Variants in CNTNAP2 observed in about 807,000 individuals in gnomAD.
CNTNAP2 encodes the protein contactin-associated protein-like 2.
In CNTNAP2, 98 loss-of-function variants were observed where a neutral mutation model predicts 155.2. That is an observed-to-expected ratio of 0.63 (90% CI 0.54 to 0.75). The LOEUF is 0.75. CNTNAP2 is among the 30% of genes least tolerant of loss of function. The pLI, the probability that CNTNAP2 is intolerant of heterozygous loss-of-function variation, is 0.00. For synonymous variants in CNTNAP2, 651 were observed against 631.2 expected (o/e 1.03, Z -0.47); for missense variants, 1,727 against 1,688.1 (o/e 1.02, Z -0.40).
At chr7:146,452,581 C>T (rs1366935013) in intron 1 of CNTNAP2, among the ~76,000 whole-genome samples, 1 of 152,174 alleles carries the variant, frequency 6.6e-6, no homozygotes, top group African/African-American at 2.4e-5. Flanking sequence ...TATAAGACAT[C>T]TTTTGTTATC....
At chr7:148,203,234 T>C (rs967755966) in intron 18 of CNTNAP2, among the ~76,000 whole-genome samples, 6 of 152,202 alleles carry the variant, frequency 3.9e-5, no homozygotes, top group Admixed American at 2.6e-4. Context: ...CAAATTGGTC[T>C]GTGATACCAT....
At chr7:146,605,385 ACTC>A (rs1799029854) in intron 1 of CNTNAP2, among the ~76,000 whole-genome samples, 1 of 151,218 alleles carries the variant, frequency 6.6e-6, no homozygotes, top group African/African-American at 2.4e-5. Flanking sequence ...ATCAAACATA[ACTC>A]TTACTCTGGA....
chr7:147,628,868 T>TAAAAAA (rs60644349), intron 12 of CNTNAP2, among the ~76,000 whole-genome samples: 1 of 117,192 alleles, frequency 8.5e-6, no homozygotes, highest in Non-Finnish European at 1.8e-5. Context: ...CAACAGCAGT[T>TAAAAAA]AAAAAAAAAA....
intron 1 of CNTNAP2, among the ~76,000 whole-genome samples, chr7:146,184,702 A>G (rs1468296415): frequency 4.6e-5 from 7 of 152,148 alleles, no homozygotes; most frequent in Admixed American, 3.9e-4. Context: ...ATATTTTACA[A>G]AGGAAATGCG....
At chr7:146,809,516 C>T (rs1230045283) in intron 2 of CNTNAP2, among the ~76,000 whole-genome samples, 1 of 151,956 alleles carries the variant, frequency 6.6e-6, no homozygotes, top group Non-Finnish European at 1.5e-5. Flanking sequence ...CACCCACCAC[C>T]ACATCTGGCT....
chr7:146,351,463 T>C (rs911432657), intron 1 of CNTNAP2, among the ~76,000 whole-genome samples: 5 of 152,186 alleles, frequency 3.3e-5, no homozygotes, highest in Non-Finnish European at 7.4e-5. Context: ...AAATGCTTCA[T>C]GTTGTATTTA....
intron 15 of CNTNAP2, among the ~76,000 whole-genome samples, chr7:148,027,981 C>A (rs188400148): frequency 3.3e-5 from 5 of 152,236 alleles, no homozygotes; most frequent in Admixed American, 2.0e-4. Context: ...TAGATGATAT[C>A]AAATCGAGGC....
chr7:148,006,447 G>A (rs1456556331), intron 15 of CNTNAP2, among the ~76,000 whole-genome samples: 3 of 151,208 alleles, frequency 2.0e-5, no homozygotes, highest in African/African-American at 7.3e-5. Context: ...AGCCTCCTGA[G>A]TAGTTGGGAT....
intron 1 of CNTNAP2, among the ~76,000 whole-genome samples, chr7:146,468,002 A>G (rs188595155): frequency 6.6e-6 from 1 of 152,208 alleles, no homozygotes; most frequent in Admixed American, 6.5e-5. Flanking sequence ...AAGAAGGTGC[A>G]TTTGTGTTCT....
intron 3 of CNTNAP2, among the ~76,000 whole-genome samples, chr7:146,951,721 G>A (rs937589801): frequency 6.6e-6 from 1 of 152,140 alleles, no homozygotes; most frequent in Admixed American, 6.6e-5. Context: ...TTGAAGTCAG[G>A]TAGTGTGATT....
At chr7:147,542,058 G>A (rs552232732) in intron 11 of CNTNAP2, among the ~76,000 whole-genome samples, 149 of 152,216 alleles carry the variant, frequency 9.8e-4, no homozygotes, top group African/African-American at 3.1e-3. Flanking sequence ...TGACTATCAC[G>A]TGTTTTTCCA....
At chr7:147,620,022 A>T (rs775927434) in intron 12 of CNTNAP2, among the ~76,000 whole-genome samples, 4 of 152,218 alleles carry the variant, frequency 2.6e-5, no homozygotes, top group Non-Finnish European at 4.4e-5. Context: ...AAGAAAGAGA[A>T]CAAGAGTTTT....
intron 8 of CNTNAP2, among the ~76,000 whole-genome samples, chr7:147,141,749 A>G (rs1801602215): frequency 6.6e-6 from 1 of 152,068 alleles, no homozygotes; most frequent in Non-Finnish European, 1.5e-5. Context: ...CATCTGAAAT[A>G]TTTGTTGAAG....
intron 11 of CNTNAP2, among the ~76,000 whole-genome samples, chr7:147,498,926 C>T (rs1461678549): frequency 1.3e-5 from 2 of 151,240 alleles, no homozygotes; most frequent in Non-Finnish European, 2.9e-5. Flanking sequence ...ACTTGATTAA[C>T]ATCAGTTTCA....
intron 14 of CNTNAP2, among the ~76,000 whole-genome samples, chr7:147,927,132 T>C (rs1046767624): frequency 6.6e-6 from 1 of 152,228 alleles, no homozygotes; most frequent in South Asian, 2.1e-4. Flanking sequence ...AATATGCATT[T>C]ATTCTATTTA....
chr7:146,715,742 A>T (rs344474), intron 1 of CNTNAP2, among the ~76,000 whole-genome samples: 7,325 of 152,246 alleles, frequency 0.048, 259 homozygotes, highest in African/African-American at 0.097. Context: ...ATAGTTTTTT[A>T]AAATATTTTT....
intron 9 of CNTNAP2, among the ~76,000 whole-genome samples, chr7:147,388,130 A>G (rs906563210): frequency 5.3e-5 from 8 of 151,870 alleles, no homozygotes; most frequent in African/African-American, 1.2e-4. Flanking sequence ...TTTTATTTTG[A>G]TATTCAAAAT....
At chr7:146,344,617 T>C (rs1584879875) in intron 1 of CNTNAP2, among the ~76,000 whole-genome samples, 1 of 152,112 alleles carries the variant, frequency 6.6e-6, no homozygotes, top group Non-Finnish European at 1.5e-5. Context: ...TAGCTGGGAC[T>C]ACAGGCATGG....
intron 12 of CNTNAP2, among the ~76,000 whole-genome samples, chr7:147,575,119 G>A (rs879673827): frequency 0.064 from 9,425 of 146,956 alleles, 825 homozygotes; most frequent in African/African-American, 0.17. Flanking sequence ...GTGTGTGTGT[G>A]TGTGTGTGTG....
Sources: allele counts gnomAD v4.1 joint callset (sites outside exome capture counted in the v4.1 genomes callset), GRCh38; gene constraint gnomAD v4.1.1; transcripts MANE v1.5; gene names NCBI Gene and HGNC (gene_info 2026-07-23, HGNC 2026-07-21).